The following SGK3 variants were observed in gnomAD, a reference collection of about 807,000 sequenced individuals.
SGK3 encodes the protein serum/glucocorticoid regulated kinase family member 3.
Under a neutral mutation model 68.5 loss-of-function variants are expected in SGK3, and 47 were observed. The observed-to-expected ratio is 0.69, with a 90% CI of 0.54 to 0.87. SGK3 has a LOEUF of 0.87. Among genes scored for constraint, SGK3 ranks in the 40% least tolerant of loss-of-function variants. SGK3 has a pLI of 0.00. For synonymous variants in SGK3, 181 were observed against 189.1 expected (o/e 0.96, Z 0.35); for missense variants, 479 against 575.5 (o/e 0.83, Z 1.72).
chr8:66,754,623 C>T (rs186929624), intron 1 of SGK3, among the ~76,000 whole-genome samples: 11 of 152,370 alleles, frequency 7.2e-5, no homozygotes, highest in African/African-American at 2.6e-4. Context: ...ACACCTTATG[C>T]ACACAGTCTG....
chr8:66,857,799 ATGTG>A (rs111758415), intron 16 of SGK3, among the ~76,000 whole-genome samples: 1,960 of 133,776 alleles, frequency 0.015, 18 homozygotes, highest in South Asian at 0.052. Context: ...GTGTGTGTGT[ATGTG>A]TGTGTGTGTG....
chr8:66,859,324 ACT>A, intron 16 of SGK3, 85 bp from the exon 17 acceptor site: 4 of 1,381,900 alleles, frequency 2.9e-6, no homozygotes, highest in East Asian at 2.6e-5. Flanking sequence ...GCAGTGTGAG[ACT>A]CTGTCTCAAA....
intron 1 of SGK3, among the ~76,000 whole-genome samples, chr8:66,772,742 T>C (rs1351307854): frequency 1.3e-5 from 2 of 152,026 alleles, no homozygotes; most frequent in Non-Finnish European, 2.9e-5. Context: ...TTTGTATTTT[T>C]AGTAGAGACA....
intron 6 of SGK3, among the ~76,000 whole-genome samples, chr8:66,824,727 CAT>C (rs1023586883): frequency 6.6e-6 from 1 of 152,072 alleles, no homozygotes; most frequent in Non-Finnish European, 1.5e-5. Flanking sequence ...AGTGTTTGTC[CAT>C]ATATGTTATA....
chr8:66,739,028 C>T (rs867601039), intron 1 of SGK3, among the ~76,000 whole-genome samples: 1 of 152,282 alleles, frequency 6.6e-6, no homozygotes, highest in Middle Eastern at 3.4e-3. Flanking sequence ...TGTGTTCCCA[C>T]TGTCCCACCT....
chr8:66,855,055 C>T (rs1810454352), intron 16 of SGK3, among the ~76,000 whole-genome samples: 1 of 152,120 alleles, frequency 6.6e-6, no homozygotes, highest in South Asian at 2.1e-4. Flanking sequence ...CACACCTATT[C>T]CAGGAACCTA....
intron 1 of SGK3, among the ~76,000 whole-genome samples, chr8:66,754,579 G>A (rs1351985660): frequency 2.0e-5 from 3 of 152,248 alleles, no homozygotes; most frequent in Non-Finnish European, 4.4e-5. Context: ...TACGAATAAA[G>A]TCTAAAGACG....
chr8:66,718,005 C>G (rs1464683256), intron 1 of SGK3, among the ~76,000 whole-genome samples: 2 of 148,492 alleles, frequency 1.3e-5, no homozygotes, highest in Non-Finnish European at 3.0e-5. Flanking sequence ...CCGGCCTACT[C>G]TAGTTATTTA....
At chr8:66,761,993 A>T (rs1331670653) in intron 1 of SGK3, among the ~76,000 whole-genome samples, 3 of 152,278 alleles carry the variant, frequency 2.0e-5, no homozygotes, top group African/African-American at 7.2e-5. Flanking sequence ...TCATCTCTAA[A>T]TATTTAAGTA....
chr8:66,809,365 G>A (rs527416558), intron 4 of SGK3, among the ~76,000 whole-genome samples: 1 of 152,228 alleles, frequency 6.6e-6, no homozygotes, highest in African/African-American at 2.4e-5. Context: ...ATGATCTCAG[G>A]GCAGCTTGCC....
At chr8:66,827,973 A>AC (rs377371205) in intron 6 of SGK3, among the ~76,000 whole-genome samples, 25 of 152,098 alleles carry the variant, frequency 1.6e-4, no homozygotes, top group Admixed American at 1.5e-3. Context: ...AATACAAAAA[A>AC]ATTAGCCGGG....
At position 66,717,207 on chromosome 8, in the gene SGK3, G is replaced by GA. The variant is rs980569187; in HGVS notation, c.-122+4385dup. On this transcript the variant is annotated intron_variant, in intron 1 of 16. Coordinates refer to ENST00000521198, the MANE Select transcript of SGK3 (RefSeq NM_001033578.3). ...GCAACAAGAGTGAAACTCTTTATCT[G>GA]AAAAAAAAAAACAAAAAAAACAAAA... Among the ~76,000 whole-genome samples, 209 of 101,702 alleles carry GA rather than the reference G, an allele frequency of 2.1e-3. 3 individuals carry two copies. The highest frequency in any genetic ancestry group is 4.8e-3 in the South Asian group (15 of 3,124). The allele number at this position is 101,702 out of a possible 152,430, so 66.7% of individuals were successfully genotyped here. A position where few individuals can be genotyped will look rare whatever the true frequency, so the allele number is the denominator to read the frequency against.
chr8:66,732,979 C>A (rs1805212985), intron 1 of SGK3, among the ~76,000 whole-genome samples: 1 of 151,960 alleles, frequency 6.6e-6, no homozygotes, highest in Non-Finnish European at 1.5e-5. Flanking sequence ...TAATAATGAC[C>A]ATATTGGAAG....
chr8:66,792,606 C>T (rs907515118), intron 1 of SGK3, among the ~76,000 whole-genome samples: 1 of 151,980 alleles, frequency 6.6e-6, no homozygotes, highest in South Asian at 2.1e-4. Context: ...AGTCTGGGTG[C>T]GGTGGCTCAT....
chr8:66,804,481 G>T (rs1808072892), intron 4 of SGK3, 34 bp downstream of exon 4: 1 of 1,596,154 alleles, frequency 6.3e-7, no homozygotes, highest in African/African-American at 1.3e-5. Flanking sequence ...GCTATGAAGT[G>T]ATTGTTGAAG....
At chr8:66,825,665 G>A (rs1007445805) in intron 6 of SGK3, among the ~76,000 whole-genome samples, 3 of 152,032 alleles carry the variant, frequency 2.0e-5, no homozygotes, top group Non-Finnish European at 4.4e-5. Flanking sequence ...ATTTTAGAGG[G>A]CATCTGGACC....
At chr8:66,847,431 A>G in intron 15 of SGK3, 83 bp downstream of exon 15, 1 of 1,549,220 alleles carries the variant, frequency 6.5e-7, no homozygotes. Flanking sequence ...ATGGTATTTA[A>G]TGGAATGAAT....
intron 4 of SGK3, among the ~76,000 whole-genome samples, chr8:66,806,706 G>A (rs547732963): frequency 2.6e-5 from 4 of 151,748 alleles, no homozygotes; most frequent in Non-Finnish European, 4.4e-5. Context: ...CCAGCTACTC[G>A]GGAGGCTGGA....
At chr8:66,836,096 C>A in intron 10 of SGK3, 22 bp downstream of exon 10, 1 of 1,600,768 alleles carries the variant, frequency 6.2e-7, no homozygotes, top group East Asian at 2.2e-5. Context: ...AATGAGTTTT[C>A]TAATGTTAAT....
Sources: allele counts gnomAD v4.1 joint callset (sites outside exome capture counted in the v4.1 genomes callset), GRCh38; gene constraint gnomAD v4.1.1; transcripts MANE v1.5; gene names NCBI Gene and HGNC (gene_info 2026-07-23, HGNC 2026-07-21).